NEMF: variants seen among roughly 807,000 people sequenced by gnomAD.
NEMF encodes ribosome quality control complex subunit NEMF.
A neutral mutation model predicts 162.2 loss-of-function variants in NEMF; 89 were observed. That is an observed-to-expected ratio of 0.55 (90% confidence interval 0.46 to 0.65). NEMF has a LOEUF of 0.65. NEMF is among the 30% of genes least tolerant of loss of function. The pLI is 0.00. For missense variants in NEMF, 1,133 were observed against 1,261.9 expected (o/e 0.90, Z 1.55); for synonymous variants, 421 against 404.5 (o/e 1.04, Z -0.49).
chr14:49,836,984 C>G (rs1459340371), intron 6 of NEMF, among the ~76,000 whole-genome samples: 1 of 152,144 alleles, frequency 6.6e-6, no homozygotes, highest in African/African-American at 2.4e-5. Context: ...CAAAAAGTTT[C>G]AGACTTCAGG....
intron 15 of NEMF, among the ~76,000 whole-genome samples, chr14:49,827,368 G>A (rs1892407017): frequency 6.6e-6 from 1 of 152,018 alleles, no homozygotes; most frequent in South Asian, 2.1e-4. Flanking sequence ...TGTATTTTCA[G>A]TAGATATGGG....
At chr14:49,817,099 T>C (rs1009070891) in intron 16 of NEMF, among the ~76,000 whole-genome samples, 2 of 152,140 alleles carry the variant, frequency 1.3e-5, no homozygotes, top group African/African-American at 2.4e-5. Context: ...GACAATGATA[T>C]ATATGATGCT....
chr14:49,832,224 T>C lies in NEMF; in HGVS notation c.789A>G (p.Pro263=), dbSNP rs771860528. The change falls in exon 9 of 33, where the codon CCA becomes CCG. Residue 263 remains proline (P), a synonymous_variant. Transcript: ENST00000298310. ...ATGCTTACGTCAGTATGTCTTCAAC[T>C]GGTTTATCTGCTTCCAAGCTTGGTT... ...EIKPSLEADK[P]VEDILTYEEF... is the part of the protein sequence containing the mutation. The C allele has an allele frequency of 1.2e-6, 2 of 1,610,326 alleles. No homozygotes were observed. Among genetic ancestry groups the C allele is most frequent in the African/African-American group, 1.3e-5 (1 of 74,816 alleles).
chr14:49,816,373 G>C (rs1207097806), intron 16 of NEMF, among the ~76,000 whole-genome samples: 1 of 152,164 alleles, frequency 6.6e-6, no homozygotes, highest in Non-Finnish European at 1.5e-5. Flanking sequence ...AGGAGTTTCT[G>C]ATTTTGCCCT....
chr14:49,791,833 T>C (rs935709869), intron 26 of NEMF, among the ~76,000 whole-genome samples: 3 of 151,446 alleles, frequency 2.0e-5, no homozygotes, highest in African/African-American at 7.3e-5. Context: ...GAAAGAATAT[T>C]GTAACCAATA....
intron 11 of NEMF, among the ~76,000 whole-genome samples, chr14:49,830,267 G>A (rs912336827): frequency 1.3e-5 from 2 of 152,166 alleles, no homozygotes; most frequent in Non-Finnish European, 2.9e-5. Flanking sequence ...ACTAGCCAAA[G>A]TGCTGCCACC....
At chr14:49,795,068 A>C (rs1487407257) in intron 26 of NEMF, among the ~76,000 whole-genome samples, 1 of 152,030 alleles carries the variant, frequency 6.6e-6, no homozygotes, top group Admixed American at 6.6e-5. Flanking sequence ...ATGGTGGCTA[A>C]CACACCTCTA....
chr14:49,802,774 AT>A, intron 20 of NEMF, 47 bp from the exon 21 acceptor site: 1 of 1,482,756 alleles, frequency 6.7e-7, no homozygotes, highest in Non-Finnish European at 9.2e-7. Flanking sequence ...AGTCTTCTCC[AT>A]TTTTTGCTTG....
In NEMF at chr14:49,838,145, A is replaced by G. The variant is rs1892999233; in HGVS notation, c.568T>C (p.Leu190=). 1 of 1,610,736 alleles carries G rather than the reference A, an allele frequency of 6.2e-7. No homozygotes were observed. The highest frequency in any genetic ancestry group is 8.5e-7 in the Non-Finnish European group (1 of 1,177,526). Residue 190 remains leucine (L), a synonymous_variant, in exon 6 of 33, where the codon TTA becomes CTA. Coordinates refer to ENST00000298310, the MANE Select transcript of NEMF (RefSeq NM_004713.6). ...GELLKRVLNP[L]LPYGPALIEH... ...TATTTGCAGGAATACTCACGAAGTAATGGGTTAAGCACCCTCTTCAGTAGT... is the reference window on the plus strand; with the variant it reads ...TATTTGCAGGAATACTCACGAAGTAGTGGGTTAAGCACCCTCTTCAGTAGT...
chr14:49,835,924 A>C (rs1419594973), intron 6 of NEMF, among the ~76,000 whole-genome samples: 1 of 152,222 alleles, frequency 6.6e-6, no homozygotes, highest in Non-Finnish European at 1.5e-5. Flanking sequence ...TTTAGGAATA[A>C]ATCTAACTGA....
chr14:49,819,791 T>C (rs919000710), intron 16 of NEMF, among the ~76,000 whole-genome samples: 1 of 152,158 alleles, frequency 6.6e-6, no homozygotes, highest in African/African-American at 2.4e-5. Context: ...AGCAATTGCA[T>C]GTACCCAAAA....
chr14:49,840,791 C>A lies in NEMF; in HGVS notation c.433G>T (p.Val145Phe). ...TAGCGTTCACGAACAGCAAATTTAA[C>A]ATCATCTGCCTCATCAGTTCGAAAC... ...LRFRTDEADD[V>F]KFAVRERYPL... The change falls in exon 5 of 33, where the codon GTT becomes TTT. Residue 145 changes from valine (V) to phenylalanine (F), a missense_variant. By Grantham distance (50) the Val-to-Phe change is conservative. This residue lies in a region of NEMF where 582 missense variants were observed against 631.5 expected (regional missense o/e 0.92). Transcript: ENST00000298310. 1.2e-6 allele frequency: 2 copies of A among 1,613,954 alleles called. No homozygotes were observed. Among genetic ancestry groups the A allele is most frequent in the Admixed American group, 3.3e-5 (2 of 60,000 alleles).
intron 25 of NEMF, among the ~76,000 whole-genome samples, chr14:49,799,207 C>CAAAAAAAAAAAAAAAAAAAA (rs780442972): frequency 1.7e-5 from 1 of 59,066 alleles, no homozygotes; most frequent in African/African-American, 7.0e-5. Context: ...GACCCTGTTT[C>CAAAAAAAAAAAAAAAAAAAA]AAAAAAAAAA....
chr14:49,795,829 T>G lies in NEMF; in HGVS notation c.2581A>C (p.Asn861His). 6.2e-7 allele frequency: 1 copy of G among 1,613,280 alleles called. No individual in the cohort carries two copies. The highest frequency in any genetic ancestry group is 8.5e-7 in the Non-Finnish European group (1 of 1,179,844). Reference protein sequence around the residue: ...HIETHQNTSKNVAAVQPMKRG... With the variant: ...HIETHQNTSKHVAAVQPMKRG... ...TTCATTGGCTGCACAGCCGCAACAT[T>G]TTTGCTTGTGTTCTGATGAGTTTCA... is the stretch of plus-strand genomic sequence containing the variant. The change falls in exon 26 of 33, where the codon AAT (asparagine) becomes CAT (histidine). Residue 861 changes from asparagine (N) to histidine (H), a missense_variant. Asn to His is a moderately conservative substitution (Grantham distance 68). This residue lies in a region of NEMF where 532 missense variants were observed against 578.6 expected (regional missense o/e 0.92). Transcript: ENST00000298310.
chr14:49,847,890 G>C (rs1458348890), intron 3 of NEMF, among the ~76,000 whole-genome samples: 1 of 151,712 alleles, frequency 6.6e-6, no homozygotes, highest in South Asian at 2.1e-4. Context: ...AAATTAGCTG[G>C]GCGTGCTGGC....
rs1030924194 is a variant in NEMF, at chr14:49,783,579, A to G, written c.*1057T>C. The G allele has an allele frequency of 6.6e-6, 1 of 152,176 alleles. No individual in the cohort carries two copies. The highest frequency in any genetic ancestry group is 6.6e-5 in the Admixed American group (1 of 15,264). 9.4% of individuals were successfully genotyped at this position (152,176 alleles called of 1,614,324 possible). A position where few individuals can be genotyped will look rare whatever the true frequency, so the allele number is the denominator to read the frequency against. On this transcript the variant is annotated 3_prime_UTR_variant, in exon 33 of 33. Coordinates refer to ENST00000298310, the MANE Select transcript of NEMF (RefSeq NM_004713.6). ...TTATAGCTCATGAAGGAATGGAAAT[A>G]ATGATGACATCATTTTCCATTCTGT...
chr14:49,786,981 G>A, intron 28 of NEMF: 2 of 457,544 alleles, frequency 4.4e-6, no homozygotes, highest in Non-Finnish European at 7.8e-6. Context: ...AAGAGAAGAA[G>A]GGTAGTTCTC....
chr14:49,815,864 T>G (rs1025193655), intron 16 of NEMF, among the ~76,000 whole-genome samples: 6 of 152,014 alleles, frequency 3.9e-5, no homozygotes, highest in Non-Finnish European at 7.4e-5. Context: ...CTCGGGAGGC[T>G]AAGGCAAAAG....
intron 6 of NEMF, among the ~76,000 whole-genome samples, chr14:49,836,390 G>A (rs189956963): frequency 9.2e-5 from 14 of 152,258 alleles, no homozygotes; most frequent in Non-Finnish European, 2.1e-4. Context: ...AGTTGCTCAC[G>A]CCTGTAATCC....
Sources: allele counts gnomAD v4.1 joint callset (sites outside exome capture counted in the v4.1 genomes callset), GRCh38; gene constraint gnomAD v4.1.1; regional missense constraint gnomAD v4.1.1; transcripts MANE v1.5; gene names NCBI Gene and HGNC (gene_info 2026-07-23, HGNC 2026-07-21).